Variants in KMT2E observed in about 807,000 individuals in gnomAD.
The protein encoded by KMT2E is histone reader KMT2E.
A neutral mutation model predicts 184.6 loss-of-function variants in KMT2E; 30 were observed. That is an observed-to-expected ratio of 0.16 (90% CI 0.12 to 0.22). The LOEUF is 0.22. KMT2E is among the 10% of genes least tolerant of loss of function. KMT2E has a pLI of 1.00. For synonymous variants in KMT2E, 815 were observed against 776.5 expected (o/e 1.05, Z -0.82); for missense variants, 2,023 against 2,237.4 (o/e 0.90, Z 1.93).
At chr7:105,102,461 T>C (rs1798694576) in intron 17 of KMT2E, 1 of 276,066 alleles carries the variant, frequency 3.6e-6, no homozygotes, top group South Asian at 5.9e-5. Context: ...GTCTACTTTA[T>C]GTACAAAATA....
Position 105,110,840 on chromosome 7 carries a change from C to T in KMT2E, c.4040C>T (p.Thr1347Ile). The change falls in exon 26 of 27, where the codon ACT becomes ATT. Residue 1347 changes from threonine (T) to isoleucine (I), a missense_variant. By Grantham distance (89) the Thr-to-Ile change is moderately conservative. This residue lies in a region of KMT2E where 1,108 missense variants were observed against 1,050.9 expected (regional missense o/e 1.05). Coordinates refer to ENST00000311117, the MANE Select transcript of KMT2E (RefSeq NM_182931.3). ...ECPSPDTSQN[T>I]CKSPPKMSKP... is the part of the protein sequence containing the mutation. ...CCATCCCCAGATACTTCTCAAAATA[C>T]TTGTAAAAGTCCTCCAAAAATGAGC... 6 of 1,613,822 alleles carry T rather than the reference C, an allele frequency of 3.7e-6. No individual in the cohort carries two copies. Among genetic ancestry groups the T allele is most frequent in the Non-Finnish European group, 5.1e-6 (6 of 1,179,736 alleles).
Position 105,113,034 on chromosome 7 carries a change from C to A in KMT2E, c.5278C>A (p.Pro1760Thr), listed in dbSNP as rs757137564. 3.1e-6 allele frequency: 5 copies of A among 1,614,168 alleles called. No individual in the cohort carries two copies. The highest frequency in any genetic ancestry group is 4.2e-6 in the Non-Finnish European group (5 of 1,180,026). ...TTCGAGTGCTCATCCAACTGTACCA[C>A]CGTATCCCTCACAAGCTACACATCA... ...FPSSAHPTVPPYPSQATHHTT... is the reference protein window; with the variant it reads ...FPSSAHPTVPTYPSQATHHTT... The change falls in exon 27 of 27, where the codon CCG becomes ACG. Residue 1760 changes from proline (P) to threonine (T), a missense_variant. By Grantham distance (38) the Pro-to-Thr change is conservative (BLOSUM62 -1). Transcript: ENST00000311117.
intron 5 of KMT2E, among the ~76,000 whole-genome samples, chr7:105,064,711 G>A (rs1239867342): frequency 6.6e-6 from 1 of 151,972 alleles, no homozygotes; most frequent in Non-Finnish European, 1.5e-5. Flanking sequence ...TTCATAACCT[G>A]TAATACATTC....
At position 105,109,039 on chromosome 7, in the gene KMT2E, G is replaced by A; in HGVS notation, c.3566G>A (p.Ser1189Asn). The A allele has an allele frequency of 2.5e-6, 4 of 1,614,182 alleles. No homozygotes were observed. Among genetic ancestry groups the A allele is most frequent in the Non-Finnish European group, 3.4e-6 (4 of 1,180,034 alleles). The change falls in exon 23 of 27, where the codon AGT becomes AAT. Residue 1189 changes from serine to asparagine, a missense_variant. Ser to Asn is a conservative substitution (Grantham distance 46, BLOSUM62 1). Transcript: ENST00000311117. ...CTCATTAGTGTATCACCCCATGCAAGTGGAAGCTTGAGCAACAATGGTGAT... is the reference window on the plus strand; with the variant it reads ...CTCATTAGTGTATCACCCCATGCAAATGGAAGCTTGAGCAACAATGGTGAT... The part of the protein sequence containing the change: ...FPLISVSPHA[S>N]GSLSNNGDGC...
intron 1 of KMT2E, among the ~76,000 whole-genome samples, chr7:105,032,625 C>T (rs1584701892): frequency 6.6e-6 from 1 of 152,246 alleles, no homozygotes. Flanking sequence ...CCTCAGCCTC[C>T]CAGTTAGCTG....
intron 6 of KMT2E, among the ~76,000 whole-genome samples, chr7:105,067,563 T>TTG (rs1178249923): frequency 2.6e-5 from 4 of 152,206 alleles, no homozygotes; most frequent in African/African-American, 9.6e-5. Flanking sequence ...CCTTTACATG[T>TTG]TGTTTTAAGG....
At chr7:105,084,942 T>C (rs1797901927) in intron 13 of KMT2E, among the ~76,000 whole-genome samples, 1 of 152,214 alleles carries the variant, frequency 6.6e-6, no homozygotes, top group Admixed American at 6.5e-5. Context: ...GCATAGGTTT[T>C]GATAAATTTT....
intron 15 of KMT2E, among the ~76,000 whole-genome samples, chr7:105,095,901 T>C (rs1199598820): frequency 6.6e-6 from 1 of 152,106 alleles, no homozygotes; most frequent in African/African-American, 2.4e-5. Flanking sequence ...CTGGGGGGTA[T>C]ACCTGTAGCT....
chr7:105,060,338 A>G (rs1317794358), intron 3 of KMT2E, among the ~76,000 whole-genome samples: 1 of 152,082 alleles, frequency 6.6e-6, no homozygotes, highest in Non-Finnish European at 1.5e-5. Flanking sequence ...CAGACCACAT[A>G]ATACAATGGT....
Position 105,070,985 on chromosome 7 carries a change from A to G in KMT2E, c.498-2634A>G, listed in dbSNP as rs1463394352. Reference sequence around the variant, plus strand: ...AAGTCAAATATGTAAAGCAAGGTAGACAAATATATAAAGCAAGTTAAGTCT... The same window carrying G: ...AAGTCAAATATGTAAAGCAAGGTAGGCAAATATATAAAGCAAGTTAAGTCT... On this transcript the variant is annotated intron_variant, in intron 6 of 26. Transcript: ENST00000311117. 3.3e-5 allele frequency among the ~76,000 whole-genome samples: 5 copies of G among 152,346 alleles called. No individual in the cohort carries two copies. In the East Asian group the frequency reaches 9.6e-4, roughly 29 times the overall value.
At chr7:105,028,469 A>T (rs1274337876) in intron 1 of KMT2E, among the ~76,000 whole-genome samples, 1 of 151,570 alleles carries the variant, frequency 6.6e-6, no homozygotes, top group South Asian at 2.1e-4. Context: ...CCCAGTCGAG[A>T]CTGAGACATT....
At chr7:105,075,019 TG>T (rs1411710008) in intron 8 of KMT2E, among the ~76,000 whole-genome samples, 9 of 152,200 alleles carry the variant, frequency 5.9e-5, no homozygotes, top group African/African-American at 2.2e-4. Context: ...CTTTGCAAAC[TG>T]CTTTGAAATC....
rs559679977 is a variant in KMT2E, at chr7:105,073,852, T to TC, written c.556+176dup. Reference sequence around the variant, plus strand: ...GTATAGATTTCAAGTATTTTTTTTTTCACGTATTATAGAATAAATATGTAC... The same window carrying TC: ...GTATAGATTTCAAGTATTTTTTTTTTCCACGTATTATAGAATAAATATGTAC... On this transcript the variant is annotated intron_variant, in intron 7 of 26. Coordinates refer to ENST00000311117, the MANE Select transcript of KMT2E (RefSeq NM_182931.3). Among the ~76,000 whole-genome samples, 266 of 152,250 alleles carry TC rather than the reference T, an allele frequency of 1.7e-3. 4 individuals are homozygous for TC. The Middle Eastern group carries it at 0.044, about 25-fold the overall frequency.
chr7:105,019,638 C>A (rs1042451580), intron 1 of KMT2E, among the ~76,000 whole-genome samples: 56 of 152,102 alleles, frequency 3.7e-4, no homozygotes, highest in African/African-American at 1.3e-3. Context: ...AATATGAAAT[C>A]TGGGTTTAGA....
intron 1 of KMT2E, among the ~76,000 whole-genome samples, chr7:105,024,099 T>G (rs1795074804): frequency 6.6e-6 from 1 of 152,238 alleles, no homozygotes; most frequent in Non-Finnish European, 1.5e-5. Context: ...TTAATTTCTT[T>G]GGAAATTTTC....
In KMT2E at chr7:105,074,693, T is replaced by C. The variant is rs1432445369; in HGVS notation, c.607T>C (p.Tyr203His). ...TGGTGATGAGGTTCCTGTGGAATTA[T>C]ATACTGCATTTCAGCATACTCCAAC... The part of the protein sequence containing the change: ...ESGDEVPVEL[Y>H]TAFQHTPTSI... The change falls in exon 8 of 27, where the codon TAT (tyrosine) becomes CAT (histidine). Residue 203 changes from tyrosine (Y) to histidine (H), a missense_variant. Physicochemically the swap from Tyr to His is moderately conservative, Grantham distance 83 (BLOSUM62 2). This residue lies in a region of KMT2E where 191 missense variants were observed against 209.0 expected (regional missense o/e 0.91). Coordinates refer to ENST00000311117, the MANE Select transcript of KMT2E (RefSeq NM_182931.3). The C allele has an allele frequency of 6.2e-7, 1 of 1,602,946 alleles. No individual in the cohort carries two copies. The highest frequency in any genetic ancestry group is 2.3e-5 in the East Asian group (1 of 44,212).
At chr7:105,018,647 A>G (rs1794815488) in intron 1 of KMT2E, among the ~76,000 whole-genome samples, 1 of 152,126 alleles carries the variant, frequency 6.6e-6, no homozygotes, top group Non-Finnish European at 1.5e-5. Context: ...TTTTATGTTG[A>G]CTGGCAAATT....
chr7:105,016,875 A>G (rs1794736214), intron 1 of KMT2E, among the ~76,000 whole-genome samples: 1 of 152,232 alleles, frequency 6.6e-6, no homozygotes, highest in African/African-American at 2.4e-5. Flanking sequence ...ATAATTAGAG[A>G]AATAACTGGC....
At position 105,106,720 on chromosome 7, in the gene KMT2E, CACCAGT is replaced by C. The variant is rs1798912574; in HGVS notation, c.2796_2801del (p.Pro933_Val934del). 6.2e-7 allele frequency: 1 copy of C among 1,613,594 alleles called. No homozygotes were observed. The highest frequency in any genetic ancestry group is 2.2e-5 in the East Asian group (1 of 44,882). ...AGAAATGGTTATAAACCCATATATTCACCAGTTACCCCAGTAACTCCTGGTACACCA... is the reference window on the plus strand; with the variant it reads ...AGAAATGGTTATAAACCCATATATTCTACCCCAGTAACTCCTGGTACACCA... On this transcript the variant is annotated inframe_deletion, in exon 20 of 27. Transcript: ENST00000311117.
Sources: allele counts gnomAD v4.1 joint callset (sites outside exome capture counted in the v4.1 genomes callset), GRCh38; gene constraint gnomAD v4.1.1; regional missense constraint gnomAD v4.1.1; transcripts MANE v1.5; gene names NCBI Gene and HGNC (gene_info 2026-07-23, HGNC 2026-07-21).